Variants in EIPR1 observed in about 807,000 individuals in gnomAD.
EIPR1 encodes the protein EARP and GARP complex-interacting protein 1.
EIPR1 carries 25 observed loss-of-function variants against 48.1 expected under a neutral mutation model. The ratio of observed to expected loss-of-function variants is 0.52; its 90% CI spans 0.38 to 0.73. The LOEUF is 0.73. Ranked by LOEUF, EIPR1 falls within the 30% of genes least tolerant of loss-of-function variation. EIPR1 has a pLI of 0.00. For synonymous variants in EIPR1, 204 were observed against 201.9 expected (o/e 1.01, Z -0.09); for missense variants, 415 against 506.2 (o/e 0.82, Z 1.73).
At chr2:3,316,495 G>T (rs548433189) in intron 3 of EIPR1, among the ~76,000 whole-genome samples, 5 of 152,144 alleles carry the variant, frequency 3.3e-5, no homozygotes, top group African/African-American at 1.2e-4. Context: ...TTCCTATGAG[G>T]CAATCCACAG....
chr2:3,194,710 G>A (rs946266517), intron 6 of EIPR1, among the ~76,000 whole-genome samples: 21 of 152,002 alleles, frequency 1.4e-4, no homozygotes, highest in African/African-American at 4.8e-4. Context: ...GGGGGCAGTG[G>A]GGAAGGCCAT....
chr2:3,354,336 CCAAA>C, intron 2 of EIPR1, among the ~76,000 whole-genome samples: 1 of 152,292 alleles, frequency 6.6e-6, no homozygotes, highest in East Asian at 1.9e-4. Context: ...GGAAGTCATG[CCAAA>C]CAGAGGAAGT....
At chr2:3,246,981 G>GGAGGGAGAGAGC (rs1666835980) in intron 4 of EIPR1, among the ~76,000 whole-genome samples, 3 of 212 alleles carry the variant, frequency 0.014, no homozygotes, top group Middle Eastern at 0.5. Flanking sequence ...AAGGAGGGAG[G>GGAGGGAGAGAGC]GAGGGAGGGA....
At chr2:3,343,044 A>G (rs960894245) in intron 2 of EIPR1, among the ~76,000 whole-genome samples, 14 of 152,224 alleles carry the variant, frequency 9.2e-5, no homozygotes, top group African/African-American at 2.9e-4. Flanking sequence ...ATATATTACT[A>G]TTAATCACAA....
chr2:3,234,887 A>G (rs1282204647), intron 4 of EIPR1, among the ~76,000 whole-genome samples: 1 of 152,252 alleles, frequency 6.6e-6, no homozygotes, highest in Non-Finnish European at 1.5e-5. Flanking sequence ...AAGACACTCC[A>G]GAGAGTTTAG....
intron 3 of EIPR1, among the ~76,000 whole-genome samples, chr2:3,271,393 C>T (rs577111662): frequency 6.3e-4 from 96 of 152,348 alleles, no homozygotes; most frequent in African/African-American, 2.3e-3. Flanking sequence ...AGAGGAATCA[C>T]TATCAGTGGC....
At chr2:3,269,647 C>G (rs1558263823) in intron 3 of EIPR1, among the ~76,000 whole-genome samples, 1 of 151,386 alleles carries the variant, frequency 6.6e-6, no homozygotes. Context: ...CACACTCAAT[C>G]ATCACACTCA....
Position 3,202,660 on chromosome 2 carries a change from C to T in EIPR1, c.517-5643G>A, listed in dbSNP as rs567346558. ...AAGGGGAAGGCCCGAAATCTTGAGCCGAGCAATGCAAGCTGAGCCCCCAAC... is the reference window on the plus strand; with the variant it reads ...AAGGGGAAGGCCCGAAATCTTGAGCTGAGCAATGCAAGCTGAGCCCCCAAC... On this transcript the variant is annotated intron_variant, in intron 5 of 8. Transcript: ENST00000382125. Among the ~76,000 whole-genome samples the T allele has an allele frequency of 2.9e-4, 44 of 152,268 alleles. 1 individual carries two copies. In the South Asian group the frequency reaches 7.9e-3, roughly 27 times the overall value.
chr2:3,326,027 G>A (rs751333204), intron 3 of EIPR1, among the ~76,000 whole-genome samples: 5 of 152,198 alleles, frequency 3.3e-5, no homozygotes, highest in Non-Finnish European at 7.3e-5. Context: ...AGGGGCTCCT[G>A]AGGCGGCTGC....
intron 3 of EIPR1, among the ~76,000 whole-genome samples, chr2:3,285,622 C>T (rs200218738): frequency 6.6e-6 from 1 of 152,340 alleles, no homozygotes; most frequent in Admixed American, 6.5e-5. Context: ...TCTGATGCTG[C>T]GCAAGAGTTA....
In EIPR1 at chr2:3,348,683, G is replaced by T. The variant is rs188261113; in HGVS notation, c.126+5867C>A. Among the ~76,000 whole-genome samples, 8 of 152,350 alleles carry T rather than the reference G, an allele frequency of 5.3e-5. No homozygotes were observed. In the East Asian group the frequency reaches 1.5e-3, roughly 29 times the overall value. ...GTCCCCACATTTTCAGAAAGATAGCGCAGCTGCATTATGCAGTAACGATGC... is the reference window on the plus strand; with the variant it reads ...GTCCCCACATTTTCAGAAAGATAGCTCAGCTGCATTATGCAGTAACGATGC... On this transcript the variant is annotated intron_variant, in intron 2 of 8. Transcript: ENST00000382125.
At chr2:3,284,891 G>A (rs1668130974) in intron 3 of EIPR1, among the ~76,000 whole-genome samples, 1 of 152,156 alleles carries the variant, frequency 6.6e-6, no homozygotes, top group South Asian at 2.1e-4. Context: ...AGATCGTGGT[G>A]AGGTCACTGT....
chr2:3,239,436 G>A (rs945741345), intron 4 of EIPR1, among the ~76,000 whole-genome samples: 11 of 152,158 alleles, frequency 7.2e-5, no homozygotes, highest in Admixed American at 2.0e-4. Context: ...ATGCACAGAC[G>A]CTTAGACACA....
rs945417241 is a variant in EIPR1, at chr2:3,235,414, G to A, written c.417-21166C>T. Among the ~76,000 whole-genome samples, 11 of 145,868 alleles carry A rather than the reference G, an allele frequency of 7.5e-5. 1 individual carries two copies. The East Asian group carries it at 1.5e-3, about 19-fold the overall frequency. ...TTTAGAAACACAAACATGTGTGCAT[G>A]CGGGTGCGCACACACACACACACAC... On this transcript the variant is annotated intron_variant, in intron 4 of 8. Transcript: ENST00000382125.
intron 1 of EIPR1, among the ~76,000 whole-genome samples, chr2:3,364,667 A>C (rs1384526285): frequency 6.6e-6 from 1 of 152,016 alleles, no homozygotes; most frequent in Non-Finnish European, 1.5e-5. Flanking sequence ...AAAAAAAAGA[A>C]TGAAATCTTG....
chr2:3,318,665 C>T (rs913911876), intron 3 of EIPR1, among the ~76,000 whole-genome samples: 3 of 152,212 alleles, frequency 2.0e-5, no homozygotes, highest in Non-Finnish European at 4.4e-5. Context: ...TTGCTATTCA[C>T]GTCCTTCATA....
chr2:3,211,193 G>A (rs796364089), intron 5 of EIPR1, among the ~76,000 whole-genome samples: 48 of 152,244 alleles, frequency 3.2e-4, no homozygotes, highest in African/African-American at 1.1e-3. Context: ...ATCCACCCAT[G>A]GGCACGCCGC....
intron 3 of EIPR1, among the ~76,000 whole-genome samples, chr2:3,332,396 T>C (rs1366739059): frequency 1.3e-5 from 2 of 152,228 alleles, no homozygotes; most frequent in Non-Finnish European, 2.9e-5. Context: ...TCACTCATGC[T>C]AATTCCCTGC....
intron 3 of EIPR1, among the ~76,000 whole-genome samples, chr2:3,257,896 C>G (rs1381147569): frequency 6.6e-6 from 1 of 152,150 alleles, no homozygotes; most frequent in South Asian, 2.1e-4. Flanking sequence ...GCACACTGAG[C>G]GATATTCCAT....
Sources: gnomAD v4.1 joint callset for allele counts (sites outside exome capture counted in the v4.1 genomes callset) on GRCh38, gnomAD v4.1.1 for gene constraint, MANE v1.5 for transcripts, NCBI Gene and HGNC (gene_info 2026-07-23, HGNC 2026-07-21) for gene names.